Variants in PTPRD observed in about 807,000 individuals in gnomAD.
PTPRD encodes receptor-type tyrosine-protein phosphatase delta.
Under a neutral mutation model 214.5 loss-of-function variants are expected in PTPRD, and 34 were observed. That is an observed-to-expected ratio of 0.16 (90% CI 0.12 to 0.21). The LOEUF is 0.21. Ranked by LOEUF, PTPRD falls within the 10% of genes least tolerant of loss-of-function variation. PTPRD has a pLI of 1.00. For synonymous variants in PTPRD, 1,128 were observed against 845.7 expected (o/e 1.33, Z -5.79); for missense variants, 2,545 against 2,398.7 (o/e 1.06, Z -1.27).
At chr9:10,441,842 T>C (rs2098760986) in intron 2 of PTPRD, among the ~76,000 whole-genome samples, 1 of 151,668 alleles carries the variant, frequency 6.6e-6, no homozygotes, top group Non-Finnish European at 1.5e-5. Flanking sequence ...AGGTATTCTC[T>C]AGTTCATTTA....
At chr9:9,061,292 T>C (rs556985482) in intron 10 of PTPRD, among the ~76,000 whole-genome samples, 5 of 152,344 alleles carry the variant, frequency 3.3e-5, no homozygotes, top group Non-Finnish European at 7.3e-5. Flanking sequence ...GTTGACAGTG[T>C]ATTTCTTGCA....
chr9:9,028,529 G>A (rs148785774), intron 10 of PTPRD, among the ~76,000 whole-genome samples: 109 of 152,062 alleles, frequency 7.2e-4, no homozygotes, highest in African/African-American at 2.2e-3. Context: ...TGGTATCATA[G>A]TAATTGATAT....
chr9:10,608,306 T>C (rs1169692644), intron 2 of PTPRD, among the ~76,000 whole-genome samples: 2 of 152,028 alleles, frequency 1.3e-5, no homozygotes, highest in African/African-American at 2.4e-5. Context: ...AAAATAATTA[T>C]ACATGTAATA....
At chr9:8,639,633 T>C (rs72698268) in intron 12 of PTPRD, among the ~76,000 whole-genome samples, 10,544 of 152,288 alleles carry the variant, frequency 0.069, 1,117 homozygotes, top group African/African-American at 0.23. Context: ...GGGATACCGT[T>C]GCATTTCTTA....
At chr9:8,814,717 G>T (rs529814721) in intron 11 of PTPRD, among the ~76,000 whole-genome samples, 2 of 152,316 alleles carry the variant, frequency 1.3e-5, no homozygotes, top group African/African-American at 4.8e-5. Context: ...TGAGGAAGAA[G>T]TGAGGTCCTT....
chr9:10,038,761 C>G (rs2097238496), intron 3 of PTPRD, among the ~76,000 whole-genome samples: 2 of 152,134 alleles, frequency 1.3e-5, no homozygotes, highest in Non-Finnish European at 1.5e-5. Flanking sequence ...CATCTATTCT[C>G]AGAGAACTGT....
At chr9:9,900,641 G>GTTTTTTTTTTTGTTTTTTTTTTTTT (rs367877727) in intron 5 of PTPRD, among the ~76,000 whole-genome samples, 1 of 120,086 alleles carries the variant, frequency 8.3e-6, no homozygotes, top group African/African-American at 3.1e-5. Flanking sequence ...ACATTTTCAG[G>GTTTTTTTTTTTGTTTTTTTTTTTTT]TTTTTTTTTT....
chr9:9,946,057 G>GTTGGGAAAGTCACCCTTCCCTTTCTCAC (rs139387979), intron 4 of PTPRD, among the ~76,000 whole-genome samples: 36 of 151,234 alleles, frequency 2.4e-4, no homozygotes, highest in African/African-American at 8.3e-4. Context: ...TCCTTTCCCA[G>GTTGGGAAAGTCACCCTTCCCTTTCTCAC]TTGGGAAAGT....
intron 14 of PTPRD, among the ~76,000 whole-genome samples, chr9:8,559,035 GC>G (rs1279242148): frequency 1.1e-4 from 16 of 152,074 alleles, no homozygotes; most frequent in African/African-American, 3.4e-4. Flanking sequence ...TAGTCTAATA[GC>G]TAACTGAAGT....
intron 11 of PTPRD, among the ~76,000 whole-genome samples, chr9:8,944,523 T>C (rs1366008704): frequency 6.6e-6 from 1 of 152,076 alleles, no homozygotes; most frequent in Non-Finnish European, 1.5e-5. Context: ...GACAGATGAA[T>C]GGATAAAGAA....
At chr9:9,957,054 C>T (rs1309568963) in intron 4 of PTPRD, among the ~76,000 whole-genome samples, 1 of 152,220 alleles carries the variant, frequency 6.6e-6, no homozygotes, top group Non-Finnish European at 1.5e-5. Flanking sequence ...CCATGTATAG[C>T]TGAAGCTCAT....
At chr9:10,095,623 A>G (rs2098475607) in intron 3 of PTPRD, among the ~76,000 whole-genome samples, 1 of 151,634 alleles carries the variant, frequency 6.6e-6, no homozygotes, top group African/African-American at 2.4e-5. Flanking sequence ...GATAATATGC[A>G]TAGATTTTAT....
At chr9:8,321,514 TATATATATATATAA>T (rs1563891730) in intron 44 of PTPRD, among the ~76,000 whole-genome samples, 26 of 127,986 alleles carry the variant, frequency 2.0e-4, no homozygotes, top group African/African-American at 6.9e-4. Context: ...TATATATATA[TATATATATATATAA>T]AAGGTATATG....
intron 11 of PTPRD, among the ~76,000 whole-genome samples, chr9:8,954,126 A>T (rs2099118595): frequency 6.6e-6 from 1 of 152,014 alleles, no homozygotes; most frequent in South Asian, 2.1e-4. Context: ...GGCTAAAGAA[A>T]ATGCAGTACA....
chr9:9,380,607 G>A (rs2061936262), intron 9 of PTPRD, among the ~76,000 whole-genome samples: 1 of 152,074 alleles, frequency 6.6e-6, no homozygotes. Context: ...CTTAGAATGT[G>A]GTCTATCTTA....
chr9:8,722,336 G>C (rs1256461891), intron 12 of PTPRD, among the ~76,000 whole-genome samples: 1 of 152,042 alleles, frequency 6.6e-6, no homozygotes, highest in Non-Finnish European at 1.5e-5. Flanking sequence ...GCTCCTGGTA[G>C]GCAAGGGAGC....
chr9:10,244,974 T>G (rs1595196714), intron 3 of PTPRD, among the ~76,000 whole-genome samples: 1 of 152,180 alleles, frequency 6.6e-6, no homozygotes, highest in Non-Finnish European at 1.5e-5. Context: ...ATTTTCCCAT[T>G]TCTTAATCAT....
Position 8,911,415 on chromosome 9 carries a change from TTGTG to T in PTPRD, c.-104+107278_-104+107281del, listed in dbSNP as rs757801073. Among the ~76,000 whole-genome samples the T allele has an allele frequency of 1.2e-3, 156 of 127,726 alleles. 1 individual carries two copies. Among genetic ancestry groups the T allele is most frequent in the African/African-American group, 4.0e-3 (148 of 37,112 alleles). The allele number at this position is 127,726 out of a possible 152,430, so 83.8% of individuals were successfully genotyped here. ...GTGTGTGTCTGTGTGTGTGTGTGTG[TTGTG>T]TGTGTGTGTGTGTGTGTGTGTGAGA... On this transcript the variant is annotated intron_variant, in intron 11 of 45. Coordinates refer to ENST00000381196, the MANE Select transcript of PTPRD (RefSeq NM_002839.4).
chr9:8,434,269 C>T (rs898576551), intron 35 of PTPRD, among the ~76,000 whole-genome samples: 1 of 152,246 alleles, frequency 6.6e-6, no homozygotes, highest in Non-Finnish European at 1.5e-5. Flanking sequence ...AAGTGAGCCA[C>T]TGCGCCCAGC....
Sources: allele counts gnomAD v4.1 joint callset (sites outside exome capture counted in the v4.1 genomes callset), GRCh38; gene constraint gnomAD v4.1.1; transcripts MANE v1.5; gene names NCBI Gene and HGNC (gene_info 2026-07-23, HGNC 2026-07-21).